The following CFAP43 variants were observed in gnomAD, a reference collection of about 807,000 sequenced individuals.
CFAP43 encodes cilia- and flagella-associated protein 43.
CFAP43 carries 155 observed loss-of-function variants against 218.9 expected under a neutral mutation model. That is an observed-to-expected ratio of 0.71 (90% confidence interval 0.62 to 0.81). CFAP43 has a LOEUF of 0.81. CFAP43 is among the 30% of genes least tolerant of loss of function. CFAP43 has a pLI of 0.00. For missense variants in CFAP43, 1,778 were observed against 1,954.3 expected (o/e 0.91, Z 1.70); for synonymous variants, 645 against 681.3 (o/e 0.95, Z 0.83).
rs904493686 is a variant in CFAP43 at position 104,198,293 on chromosome 10, A to C, written c.1096-255T>G. On this transcript the variant is annotated intron_variant, in intron 8 of 37. Transcript: ENST00000357060. ...TCATTTTATTTTATTTTAATTAATT[A>C]ATTTTTGAGACAAAGTCTTGCTATT... 3.9e-5 allele frequency among the ~76,000 whole-genome samples: 6 copies of C among 152,242 alleles called. No homozygotes were observed. In the South Asian group the frequency reaches 1.2e-3, roughly 32 times the overall value.
intron 20 of CFAP43, among the ~76,000 whole-genome samples, chr10:104,169,856 T>C (rs1242847926): frequency 6.6e-6 from 1 of 152,208 alleles, no homozygotes; most frequent in Non-Finnish European, 1.5e-5. Flanking sequence ...AGAGCCTGCC[T>C]GATTCCTAGC....
At chr10:104,202,321 T>C (rs1234626946) in intron 8 of CFAP43, among the ~76,000 whole-genome samples, 2 of 152,226 alleles carry the variant, frequency 1.3e-5, no homozygotes, top group Non-Finnish European at 2.9e-5. Context: ...TTCTCTGTCT[T>C]TGGTTTTCAA....
rs759225584 is a variant in CFAP43, at chr10:104,186,120, G to A, written c.1864C>T (p.His622Tyr). Residue 622 changes from histidine to tyrosine, a missense_variant, in exon 15 of 38, where the codon CAT becomes TAT. Physicochemically the swap from His to Tyr is moderately conservative, Grantham distance 83. Around this residue, in one of 3 missense-constraint regions of CFAP43, gnomAD observed 1,553 missense variants for 1,685.2 expected, o/e 0.92. Transcript: ENST00000357060. ...GGTTTAAGAATGTAGATACCGGTAT[G>A]TTCCTGCCAATCAAAGAAAATAACC... is the stretch of plus-strand genomic sequence containing the variant. ...ICSYLLPEEE[H>Y]TGIYILKPYK... is the part of the protein sequence containing the mutation. 3.4e-6 allele frequency: 5 copies of A among 1,490,112 alleles called. No individual in the cohort carries two copies. The highest frequency in any genetic ancestry group is 4.9e-5 in the East Asian group (2 of 40,520). 92.3% of individuals were successfully genotyped at this position (1,490,112 alleles called of 1,614,324 possible). A position where few individuals can be genotyped will look rare whatever the true frequency, so the allele number is the denominator to read the frequency against.
chr10:104,174,164 T>A (rs916346340), intron 19 of CFAP43, among the ~76,000 whole-genome samples: 5 of 152,182 alleles, frequency 3.3e-5, no homozygotes, highest in African/African-American at 9.7e-5. Flanking sequence ...ATCAGTAACA[T>A]TCACATATAC....
intron 36 of CFAP43, 144 bp from the exon 37 acceptor site, chr10:104,131,628 T>C (rs2087199797): frequency 1.1e-6 from 1 of 919,768 alleles, no homozygotes; most frequent in Admixed American, 3.3e-5. Context: ...CCTGGCATAG[T>C]AGGCACTCGA....
At chr10:104,144,595 G>C (rs1589631649) in intron 31 of CFAP43, among the ~76,000 whole-genome samples, 1 of 152,302 alleles carries the variant, frequency 6.6e-6, no homozygotes, top group East Asian at 1.9e-4. Flanking sequence ...GTTGCAGTGA[G>C]CAGAGATCGT....
chr10:104,218,696 T>A (rs1195867033), intron 3 of CFAP43: 1 of 492,420 alleles, frequency 2.0e-6, no homozygotes, highest in African/African-American at 2.0e-5. Flanking sequence ...AATGATCTCT[T>A]TCATGCAAGC....
rs755312187 is a variant in CFAP43, at chr10:104,167,691, C to T, written c.2738G>A (p.Arg913His). 3.2e-5 allele frequency: 52 copies of T among 1,611,498 alleles called. No individual in the cohort carries two copies. Among genetic ancestry groups the T allele is most frequent in the Non-Finnish European group, 4.0e-5 (47 of 1,179,362 alleles). ...CVVENFPMKA[R>H]TVEELKELER... is the part of the protein sequence containing the mutation. ...CAATTCTTTCAGCTCTTCAACCGTG[C>T]GCGCTTTCATCGGGAAGTTTTCAAC... is the stretch of plus-strand genomic sequence containing the variant. Residue 913 changes from arginine to histidine, a missense_variant, in exon 22 of 38, where the codon CGC (arginine) becomes CAC (histidine). Transcript: ENST00000357060.
chr10:104,137,086 T>C (rs1452694414), intron 34 of CFAP43, among the ~76,000 whole-genome samples: 1 of 152,182 alleles, frequency 6.6e-6, no homozygotes, highest in African/African-American at 2.4e-5. Context: ...CAGTTAAACA[T>C]ACAATGACCA....
At position 104,143,640 on chromosome 10, in the gene CFAP43, C is replaced by G; in HGVS notation, c.3945-1G>C. On this transcript the variant is annotated splice_acceptor_variant, in intron 31 of 37. Transcript: ENST00000357060. LOFTEE classifies it high-confidence loss of function. ...TGAGTGCGTTTTCTGTTTGGAAATC[C>G]TGGTATTACCAAGAAAAGCCCATCA... is the stretch of plus-strand genomic sequence containing the variant. The G allele has an allele frequency of 6.2e-7, 1 of 1,613,844 alleles. No homozygotes were observed. Among genetic ancestry groups the G allele is most frequent in the Non-Finnish European group, 8.5e-7 (1 of 1,179,902 alleles).
chr10:104,133,511 G>T, intron 35 of CFAP43, 109 bp downstream of exon 35: 1 of 1,185,724 alleles, frequency 8.4e-7, no homozygotes, highest in Non-Finnish European at 1.1e-6. Context: ...AACACTCCTG[G>T]CTTAGAATAT....
At chr10:104,184,504 C>A (rs2089967004) in intron 16 of CFAP43, among the ~76,000 whole-genome samples, 1 of 149,498 alleles carries the variant, frequency 6.7e-6, no homozygotes, top group Non-Finnish European at 1.5e-5. Flanking sequence ...ATATCTGGGG[C>A]CTTGCTGACT....
chr10:104,185,100 A>G lies in CFAP43; in HGVS notation c.2057T>C (p.Ile686Thr). ...CRSHSHQGHG[I>T]QSMRISMDGQ... ...ATCCATTGAAATTCTCATTGACTGA[A>G]TCCCATGACCCTGGTGAGAATGACT... Residue 686 changes from isoleucine to threonine, a missense_variant, in exon 16 of 38, where the codon ATT becomes ACT. This residue lies in a region of CFAP43 where 1,553 missense variants were observed against 1,685.2 expected (regional missense o/e 0.92). Coordinates refer to ENST00000357060, the MANE Select transcript of CFAP43 (RefSeq NM_025145.7). 2 of 1,614,138 alleles carry G rather than the reference A, an allele frequency of 1.2e-6. No individual in the cohort carries two copies. The highest frequency in any genetic ancestry group is 1.7e-6 in the Non-Finnish European group (2 of 1,180,032).
intron 36 of CFAP43, among the ~76,000 whole-genome samples, chr10:104,131,841 A>G (rs1041747880): frequency 2.6e-5 from 4 of 152,316 alleles, no homozygotes; most frequent in African/African-American, 9.6e-5. Flanking sequence ...CAACACTCCT[A>G]TTACATAAAT....
At chr10:104,140,267 C>T (rs904174205) in intron 34 of CFAP43, among the ~76,000 whole-genome samples, 6 of 152,022 alleles carry the variant, frequency 3.9e-5, no homozygotes, top group Non-Finnish European at 2.9e-5. Context: ...CCTAAAAAAA[C>T]GATGGCATAC....
At chr10:104,182,543 C>G in intron 16 of CFAP43, 30 bp from the exon 17 acceptor site, 1 of 1,543,262 alleles carries the variant, frequency 6.5e-7, no homozygotes, top group Non-Finnish European at 8.7e-7. Context: ...AACACAGAGG[C>G]TATAAAAATC....
At chr10:104,224,294 C>T (rs759197386) in intron 3 of CFAP43, among the ~76,000 whole-genome samples, 6 of 151,920 alleles carry the variant, frequency 3.9e-5, no homozygotes, top group Non-Finnish European at 7.4e-5. Flanking sequence ...TTGCCCACCT[C>T]AGCCTCCCAA....
At chr10:104,156,896 C>A (rs1359653756) in intron 27 of CFAP43, among the ~76,000 whole-genome samples, 1 of 152,136 alleles carries the variant, frequency 6.6e-6, no homozygotes, top group African/African-American at 2.4e-5. Context: ...TTACTTCTTT[C>A]TTTCAAGGAC....
chr10:104,206,898 G>A (rs2090707774), intron 6 of CFAP43, among the ~76,000 whole-genome samples: 1 of 152,198 alleles, frequency 6.6e-6, no homozygotes, highest in South Asian at 2.1e-4. Flanking sequence ...ATATGGCAGG[G>A]TGTGGTGGCT....
Sources: gnomAD v4.1 joint callset for allele counts (sites outside exome capture counted in the v4.1 genomes callset) on GRCh38, gnomAD v4.1.1 for gene constraint, gnomAD v4.1.1 regional missense constraint, MANE v1.5 for transcripts, NCBI Gene and HGNC (gene_info 2026-07-23, HGNC 2026-07-21) for gene names.